CPQ: variants seen among roughly 807,000 people sequenced by gnomAD.
CPQ encodes the protein carboxypeptidase Q.
In CPQ, 37 loss-of-function variants were observed where a neutral mutation model predicts 45.7. The ratio of observed to expected loss-of-function variants is 0.81; its 90% CI spans 0.62 to 1.07. The LOEUF is 1.07. CPQ is among the 50% of genes least tolerant of loss of function. CPQ has a pLI of 0.00. For synonymous variants in CPQ, 186 were observed against 205.8 expected, an observed-to-expected ratio of 0.90 and a Z score of 0.82; for missense variants, 537 against 572.9, an observed-to-expected ratio of 0.94 and a Z score of 0.64.
intron 5 of CPQ, among the ~76,000 whole-genome samples, chr8:97,012,015 C>A (rs890251576): frequency 7.9e-5 from 12 of 152,170 alleles, no homozygotes; most frequent in Non-Finnish European, 4.4e-5. Context: ...ACACCTACTA[C>A]AATGATGTGG....
chr8:96,767,497 T>TTG (rs1296420995), intron 1 of CPQ, among the ~76,000 whole-genome samples: 1 of 151,178 alleles, frequency 6.6e-6, no homozygotes, highest in Non-Finnish European at 1.5e-5. Flanking sequence ...AAGTATCTTT[T>TTG]TTTTTTTTAA....
chr8:96,896,527 A>C (rs116218501), intron 4 of CPQ, among the ~76,000 whole-genome samples: 2,528 of 151,804 alleles, frequency 0.017, 69 homozygotes, highest in African/African-American at 0.055. Flanking sequence ...GTCTTTTTTC[A>C]TTTATTTGTT....
intron 2 of CPQ, among the ~76,000 whole-genome samples, chr8:96,790,963 A>G (rs561449311): frequency 1.1e-4 from 16 of 152,268 alleles, no homozygotes; most frequent in Admixed American, 3.9e-4. Context: ...CCAAGGTATT[A>G]GGGAGCTCCT....
chr8:96,719,929 GT>G (rs1809740682), intron 1 of CPQ, among the ~76,000 whole-genome samples: 1 of 152,142 alleles, frequency 6.6e-6, no homozygotes, highest in African/African-American at 2.4e-5. Flanking sequence ...GGGACTTACG[GT>G]TTTCTGCCTG....
chr8:97,012,003 A>G (rs1809494394), intron 5 of CPQ, among the ~76,000 whole-genome samples: 1 of 152,208 alleles, frequency 6.6e-6, no homozygotes, highest in South Asian at 2.1e-4. Context: ...CATGAATGCA[A>G]AACACCTACT....
At chr8:96,783,344 C>T (rs1358333374) in intron 1 of CPQ, among the ~76,000 whole-genome samples, 1 of 151,826 alleles carries the variant, frequency 6.6e-6, no homozygotes, top group Non-Finnish European at 1.5e-5. Context: ...TTTATTAGCT[C>T]GTGGTTCTGC....
chr8:96,985,182 C>T (rs1000839083), intron 5 of CPQ, among the ~76,000 whole-genome samples: 4 of 151,642 alleles, frequency 2.6e-5, no homozygotes, highest in East Asian at 1.9e-4. Flanking sequence ...TGCATTTTCA[C>T]CATGATTTGT....
At chr8:96,787,044 T>G (rs560777563) in intron 2 of CPQ, among the ~76,000 whole-genome samples, 1 of 152,128 alleles carries the variant, frequency 6.6e-6, no homozygotes, top group Non-Finnish European at 1.5e-5. Context: ...CCAACTAATT[T>G]ATTTTATTTC....
chr8:96,670,173 C>T (rs1278716251), intron 1 of CPQ, among the ~76,000 whole-genome samples: 4 of 152,056 alleles, frequency 2.6e-5, no homozygotes, highest in Admixed American at 2.0e-4. Context: ...AAATCACCAA[C>T]AAAAAGTACA....
chr8:96,937,059 T>C (rs189919256), intron 4 of CPQ, among the ~76,000 whole-genome samples: 2 of 152,286 alleles, frequency 1.3e-5, no homozygotes, highest in East Asian at 3.9e-4. Context: ...TCCTACTCTA[T>C]GTCATTGTCT....
chr8:96,911,356 G>A (rs1812660807), intron 4 of CPQ, among the ~76,000 whole-genome samples: 1 of 152,180 alleles, frequency 6.6e-6, no homozygotes, highest in African/African-American at 2.4e-5. Flanking sequence ...TCCAGGAAGG[G>A]TCAGGCTGGT....
At chr8:96,971,321 C>T (rs1813675279) in intron 5 of CPQ, among the ~76,000 whole-genome samples, 1 of 152,202 alleles carries the variant, frequency 6.6e-6, no homozygotes, top group South Asian at 2.1e-4. Flanking sequence ...CATTTGTATC[C>T]ACCCAAGTGC....
At chr8:96,840,550 A>G (rs1811592296) in intron 3 of CPQ, among the ~76,000 whole-genome samples, 1 of 152,208 alleles carries the variant, frequency 6.6e-6, no homozygotes, top group African/African-American at 2.4e-5. Context: ...TGGTTTAACA[A>G]GCCCTCCAGG....
chr8:97,088,330 A>C (rs1811072976), intron 7 of CPQ, among the ~76,000 whole-genome samples: 1 of 152,204 alleles, frequency 6.6e-6, no homozygotes. Context: ...CATCTGTAGC[A>C]CATTTTAAAC....
At chr8:96,907,290 A>T (rs1029405643) in intron 4 of CPQ, among the ~76,000 whole-genome samples, 1 of 152,128 alleles carries the variant, frequency 6.6e-6, no homozygotes, top group African/African-American at 2.4e-5. Context: ...GTCACGTAGG[A>T]CACTGCCATC....
chr8:96,878,256 A>G (rs568481782), intron 3 of CPQ, among the ~76,000 whole-genome samples: 22 of 152,288 alleles, frequency 1.4e-4, no homozygotes, highest in Admixed American at 9.2e-4. Flanking sequence ...ATGAGCCACC[A>G]TGCCCGGCTT....
At chr8:96,716,114 A>T (rs891562063) in intron 1 of CPQ, among the ~76,000 whole-genome samples, 1 of 152,178 alleles carries the variant, frequency 6.6e-6, no homozygotes, top group Non-Finnish European at 1.5e-5. Flanking sequence ...AGGGTGATGC[A>T]GGCAATGGTG....
intron 2 of CPQ, among the ~76,000 whole-genome samples, chr8:96,792,442 T>C (rs191855873): frequency 1.3e-5 from 2 of 152,350 alleles, no homozygotes; most frequent in Admixed American, 1.3e-4. Flanking sequence ...AGCAGGTCAT[T>C]GAGTATTTAT....
chr8:96,840,189 T>C (rs1314858118), intron 3 of CPQ, among the ~76,000 whole-genome samples: 1 of 152,130 alleles, frequency 6.6e-6, no homozygotes, highest in Non-Finnish European at 1.5e-5. Flanking sequence ...TCTCTGTAAA[T>C]ATCAAAGCAA....
Sources: gnomAD v4.1 joint callset for allele counts (sites outside exome capture counted in the v4.1 genomes callset) on GRCh38, gnomAD v4.1.1 for gene constraint, MANE v1.5 for transcripts, NCBI Gene and HGNC (gene_info 2026-07-23, HGNC 2026-07-21) for gene names.